AGXT2: variants seen among roughly 807,000 people sequenced by gnomAD.
AGXT2 encodes alanine--glyoxylate aminotransferase 2, mitochondrial.
A neutral mutation model predicts 62.5 loss-of-function variants in AGXT2; 61 were observed. That is an observed-to-expected ratio of 0.98 (90% CI 0.79 to 1.21). The LOEUF (loss-of-function observed/expected upper bound fraction) is 1.21, where lower values mean the gene tolerates loss of function less well. AGXT2 is among the 50% of genes most tolerant of loss of function. AGXT2 has a pLI of 0.00. For missense variants in AGXT2, 666 were observed against 641.5 expected, an observed-to-expected ratio of 1.04 and a Z score of -0.41; for synonymous variants, 243 against 218.7, an observed-to-expected ratio of 1.11 and a Z score of -0.98.
intron 12 of AGXT2, among the ~76,000 whole-genome samples, chr5:35,007,484 TG>T (rs938701913): frequency 2.6e-5 from 4 of 152,132 alleles, no homozygotes; most frequent in Admixed American, 2.6e-4. Flanking sequence ...ATGGAGAGCT[TG>T]ATCTTGAAAA....
chr5:35,037,767 T>C (rs1767837816), intron 3 of AGXT2, among the ~76,000 whole-genome samples: 1 of 152,132 alleles, frequency 6.6e-6, no homozygotes, highest in African/African-American at 2.4e-5. Flanking sequence ...GTCTGAACAG[T>C]GGTTAGTGTG....
intron 11 of AGXT2, among the ~76,000 whole-genome samples, chr5:35,011,932 ACAC>A (rs1244027533): frequency 4.6e-5 from 7 of 151,336 alleles, no homozygotes; most frequent in Non-Finnish European, 1.0e-4. Context: ...ACACACACAC[ACAC>A]ACACACACAC....
intron 11 of AGXT2, among the ~76,000 whole-genome samples, chr5:35,011,822 A>T (rs931128097): frequency 3.8e-4 from 58 of 152,044 alleles, no homozygotes; most frequent in Admixed American, 5.9e-4. Flanking sequence ...ACCTGCACAT[A>T]TATGTTTATT....
At chr5:35,046,512 T>A (rs1037706356) in intron 1 of AGXT2, among the ~76,000 whole-genome samples, 1 of 152,200 alleles carries the variant, frequency 6.6e-6, no homozygotes, top group Non-Finnish European at 1.5e-5. Flanking sequence ...AGTTATCACA[T>A]ACATGTTTCT....
rs952452651 is a variant in AGXT2 at position 35,005,914 on chromosome 5, C to T, written c.1339-2053G>A. On this transcript the variant is annotated intron_variant, in intron 12 of 13. Transcript: ENST00000231420. ...TGTTCTGGAAGTGCATAAAGTAAAA[C>T]GAGAACATTTCCCCACTTCCTATCC... is the stretch of plus-strand genomic sequence containing the variant. Among the ~76,000 whole-genome samples the T allele has an allele frequency of 5.3e-5, 8 of 152,120 alleles. No homozygotes were observed. The East Asian group carries it at 9.6e-4, about 18-fold the overall frequency.
intron 1 of AGXT2, 80 bp downstream of exon 1, chr5:35,047,725 C>A: frequency 1.3e-6 from 2 of 1,545,996 alleles, no homozygotes; most frequent in African/African-American, 1.4e-5. Context: ...TTCCAGAATC[C>A]CAGGCAGCAG....
At chr5:35,002,776 T>TGCG (rs1554032851) in intron 13 of AGXT2, among the ~76,000 whole-genome samples, 4 of 122,936 alleles carry the variant, frequency 3.3e-5, no homozygotes, top group African/African-American at 1.2e-4. Flanking sequence ...GATAGCAGGC[T>TGCG]GGGGGGGGGG....
At chr5:35,013,091 T>G in intron 10 of AGXT2, 46 bp from the exon 11 acceptor site, 1 of 1,493,798 alleles carries the variant, frequency 6.7e-7, no homozygotes. Flanking sequence ...CACATTCCTG[T>G]CCACAATCTC....
At position 35,012,941 on chromosome 5, in the gene AGXT2, C is replaced by A. The variant is rs371584296; in HGVS notation, c.1188+13G>T. On this transcript the variant is annotated intron_variant, in intron 11 of 13. Transcript: ENST00000231420. ...GTGAAATGAGTGAGGTTAATGTGGC[C>A]GCTGGAACCAACCTCAAGCACAGCA... 497 of 1,551,258 alleles carry A rather than the reference C, an allele frequency of 3.2e-4. No homozygotes were observed. The highest frequency in any genetic ancestry group is 4.2e-4 in the Non-Finnish European group (484 of 1,146,746).
chr5:35,009,850 C>T, intron 12 of AGXT2, 150 bp downstream of exon 12: 6 of 1,037,448 alleles, frequency 5.8e-6, no homozygotes, highest in Non-Finnish European at 8.7e-6. Context: ...TCATACTCAA[C>T]ACTCTCTACT....
At chr5:35,012,002 C>A (rs344166) in intron 11 of AGXT2, among the ~76,000 whole-genome samples, 68,800 of 151,166 alleles carry the variant, frequency 0.46, 16,025 homozygotes, top group African/African-American at 0.54. Flanking sequence ...TAATGTCTTT[C>A]ACAGCAACTA....
intron 7 of AGXT2, among the ~76,000 whole-genome samples, chr5:35,031,966 T>A (rs1414496698): frequency 4.7e-5 from 7 of 148,732 alleles, no homozygotes; most frequent in South Asian, 2.1e-4. Flanking sequence ...TTTTTTTTTT[T>A]TTTTGAGATG....
In AGXT2 at chr5:35,026,408, A is replaced by G; in HGVS notation, c.870+2T>C. 1 of 1,613,084 alleles carries G rather than the reference A, an allele frequency of 6.2e-7. No homozygotes were observed. ...ATTAATGTCTAAGGTTCATATACCCACTTGAATAGGTTCTGCGAAAAATCC... is the reference window on the plus strand; with the variant it reads ...ATTAATGTCTAAGGTTCATATACCCGCTTGAATAGGTTCTGCGAAAAATCC... On this transcript the variant is annotated splice_donor_variant, in intron 8 of 13. Coordinates refer to ENST00000231420, the MANE Select transcript of AGXT2 (RefSeq NM_031900.4). LOFTEE classifies it high-confidence loss of function.
intron 6 of AGXT2, 29 bp downstream of exon 6, chr5:35,033,431 A>G (rs370590060): frequency 1.3e-6 from 2 of 1,546,108 alleles, no homozygotes; most frequent in African/African-American, 2.7e-5. Flanking sequence ...CAGTCTTTAA[A>G]GAAACAAGAG....
At chr5:35,038,875 TATC>T (rs1767878233) in intron 3 of AGXT2, among the ~76,000 whole-genome samples, 1 of 152,348 alleles carries the variant, frequency 6.6e-6, no homozygotes, top group African/African-American at 2.4e-5. Context: ...ATCTGTCTCT[TATC>T]ATTCTTCTTT....
intron 11 of AGXT2, among the ~76,000 whole-genome samples, chr5:35,011,915 TACACACACACACAC>T (rs57016954): frequency 4.6e-4 from 65 of 140,918 alleles, no homozygotes; most frequent in East Asian, 4.2e-3. Flanking sequence ...ATGTGGTGTA[TACACACACACACAC>T]ACACACACAC....
At chr5:34,999,667 T>C (rs1012003726) in intron 13 of AGXT2, among the ~76,000 whole-genome samples, 4 of 152,200 alleles carry the variant, frequency 2.6e-5, no homozygotes, top group African/African-American at 9.7e-5. Flanking sequence ...ACCTTTATCA[T>C]TCCTCTCAAT....
intron 13 of AGXT2, among the ~76,000 whole-genome samples, chr5:35,001,958 G>A (rs1439831998): frequency 6.6e-6 from 1 of 152,056 alleles, no homozygotes; most frequent in Non-Finnish European, 1.5e-5. Flanking sequence ...TTAGGTTGGT[G>A]CAAAAGTAAT....
chr5:35,027,031 A>G, intron 7 of AGXT2: 2 of 985,360 alleles, frequency 2.0e-6, no homozygotes, highest in Non-Finnish European at 2.4e-6. Context: ...AATGTTCGAG[A>G]GCTAGGTGGC....
Sources: gnomAD v4.1 joint callset for allele counts (sites outside exome capture counted in the v4.1 genomes callset) on GRCh38, gnomAD v4.1.1 for gene constraint, MANE v1.5 for transcripts, NCBI Gene and HGNC (gene_info 2026-07-23, HGNC 2026-07-21) for gene names.